Variants in MAPK4 observed in about 807,000 individuals in gnomAD.
MAPK4 encodes the protein Erk3-related.
MAPK4 carries 22 observed loss-of-function variants against 47.7 expected under a neutral mutation model. The ratio of observed to expected loss-of-function variants is 0.46; its 90% confidence interval spans 0.33 to 0.66. The LOEUF is 0.66. Among genes scored for constraint, MAPK4 ranks in the 30% least tolerant of loss-of-function variants. MAPK4 has a pLI of 0.02. For synonymous variants in MAPK4, 390 were observed against 365.7 expected (o/e 1.07, Z -0.76); for missense variants, 736 against 831.7 (o/e 0.88, Z 1.42).
chr18:50,578,039 AC>A (rs1598790677), intron 1 of MAPK4, among the ~76,000 whole-genome samples: 1 of 152,230 alleles, frequency 6.6e-6, no homozygotes, highest in East Asian at 1.9e-4. Flanking sequence ...CTGAGAGCCT[AC>A]CGACTGCCCA....
chr18:50,674,275 G>A (rs766026033), intron 2 of MAPK4, among the ~76,000 whole-genome samples: 5 of 152,182 alleles, frequency 3.3e-5, no homozygotes, highest in Non-Finnish European at 5.9e-5. Flanking sequence ...TATCGAAGAA[G>A]GATAATTAGA....
chr18:50,651,635 G>A (rs2043050316), intron 1 of MAPK4, among the ~76,000 whole-genome samples: 1 of 152,206 alleles, frequency 6.6e-6, no homozygotes, highest in Non-Finnish European at 1.5e-5. Context: ...CCACAGAGGA[G>A]GGCAGCGGAC....
chr18:50,689,993 G>T (rs1273200308), intron 2 of MAPK4, among the ~76,000 whole-genome samples: 3 of 152,212 alleles, frequency 2.0e-5, no homozygotes, highest in African/African-American at 7.2e-5. Context: ...TATTAGAAAG[G>T]GGTCCTAGAG....
chr18:50,581,277 G>A lies in MAPK4; in HGVS notation c.-871+21034G>A, dbSNP rs1242540223. 2.6e-5 allele frequency among the ~76,000 whole-genome samples: 4 copies of A among 152,310 alleles called. No homozygotes were observed. In the South Asian group the frequency reaches 8.3e-4, roughly 32 times the overall value. ...GGTTCTAGTTCAGGGACTCTCATGAGGCTGCAGTCATGGTGTTGGTGAGGG... is the reference window on the plus strand; with the variant it reads ...GGTTCTAGTTCAGGGACTCTCATGAAGCTGCAGTCATGGTGTTGGTGAGGG... On this transcript the variant is annotated intron_variant, in intron 1 of 5. Coordinates refer to ENST00000400384, the MANE Select transcript of MAPK4 (RefSeq NM_002747.4).
At position 50,587,978 on chromosome 18, in the gene MAPK4, A is replaced by C. The variant is rs545653088; in HGVS notation, c.-871+27735A>C. ...ACTCTTGACCTCACGTGATCCAACC[A>C]CCTCAGCCTCCCAAAGTGCTGGGAT... On this transcript the variant is annotated intron_variant, in intron 1 of 5. Coordinates refer to ENST00000400384, the MANE Select transcript of MAPK4 (RefSeq NM_002747.4). Among the ~76,000 whole-genome samples the C allele has an allele frequency of 2.0e-5, 3 of 151,704 alleles. No individual in the cohort carries two copies. In the East Asian group the frequency reaches 5.8e-4, roughly 29 times the overall value.
intron 1 of MAPK4, among the ~76,000 whole-genome samples, chr18:50,570,548 A>G (rs1318849925): frequency 6.6e-6 from 1 of 152,220 alleles, no homozygotes; most frequent in East Asian, 1.9e-4. Context: ...CTGGACCCCA[A>G]AATGTTCATG....
intron 1 of MAPK4, among the ~76,000 whole-genome samples, chr18:50,655,710 C>T (rs117383680): frequency 7.2e-5 from 11 of 152,256 alleles, no homozygotes; most frequent in South Asian, 4.2e-4. Context: ...GTTCTTAACT[C>T]GGTGAGGAAA....
chr18:50,726,733 AC>A (rs1399149573), intron 5 of MAPK4, among the ~76,000 whole-genome samples: 1 of 152,022 alleles, frequency 6.6e-6, no homozygotes, highest in East Asian at 1.9e-4. Context: ...CCCCATCTCT[AC>A]AAATTTTTTT....
chr18:50,603,674 G>A lies in MAPK4; in HGVS notation c.-871+43431G>A, dbSNP rs142739517. Reference sequence around the variant, plus strand: ...GTACAAACTAGTTTGTATATACAAAGTCTAGAACACTGCCTGGCATCTTGT... The same window carrying A: ...GTACAAACTAGTTTGTATATACAAAATCTAGAACACTGCCTGGCATCTTGT... On this transcript the variant is annotated intron_variant, in intron 1 of 5. Coordinates refer to ENST00000400384, the MANE Select transcript of MAPK4 (RefSeq NM_002747.4). Among the ~76,000 whole-genome samples the A allele has an allele frequency of 3.8e-3, 575 of 152,022 alleles. 6 individuals carry two copies. Among genetic ancestry groups the A allele is most frequent in the African/African-American group, 0.013 (552 of 41,542 alleles).
At chr18:50,632,616 ATTTTTTTTTTTT>A (rs10531891) in intron 1 of MAPK4, among the ~76,000 whole-genome samples, 1 of 122,330 alleles carries the variant, frequency 8.2e-6, no homozygotes, top group Non-Finnish European at 1.7e-5. Context: ...GTCTGGTTTA[ATTTTTTTTTTTT>A]TTTTTTTTTG....
chr18:50,595,416 G>C (rs187403166), intron 1 of MAPK4, among the ~76,000 whole-genome samples: 15 of 152,238 alleles, frequency 9.9e-5, no homozygotes, highest in African/African-American at 3.4e-4. Context: ...AAACATAATA[G>C]TGAATGAAAA....
rs1911371456 is a variant in MAPK4 at position 50,729,147 on chromosome 18, T to C, written c.1068-11T>C. On this transcript the variant is annotated splice_polypyrimidine_tract_variant and intron_variant, in intron 5 of 5. Transcript: ENST00000400384. ...GGGCATCCAATCACCGCTCTGTTTGTACCCTTGCAGGTACCCTGTGAGCCT... is the reference window on the plus strand; with the variant it reads ...GGGCATCCAATCACCGCTCTGTTTGCACCCTTGCAGGTACCCTGTGAGCCT... 2 of 1,557,756 alleles carry C rather than the reference T, an allele frequency of 1.3e-6. No individual in the cohort carries two copies. The highest frequency in any genetic ancestry group is 1.7e-6 in the Non-Finnish European group (2 of 1,144,004).
intron 2 of MAPK4, among the ~76,000 whole-genome samples, chr18:50,708,034 T>C (rs1417898507): frequency 6.6e-6 from 1 of 152,220 alleles, no homozygotes; most frequent in Non-Finnish European, 1.5e-5. Flanking sequence ...TAATAGAACG[T>C]GCCAGATGAT....
intron 1 of MAPK4, among the ~76,000 whole-genome samples, chr18:50,617,745 G>A (rs938036325): frequency 1.3e-5 from 2 of 152,154 alleles, no homozygotes; most frequent in East Asian, 3.8e-4. Flanking sequence ...ATCTTCTCTA[G>A]AACATTCCTG....
intron 1 of MAPK4, among the ~76,000 whole-genome samples, chr18:50,575,116 T>G (rs527844732): frequency 2.6e-4 from 40 of 152,274 alleles, no homozygotes; most frequent in African/African-American, 8.4e-4. Context: ...TCCTCATGAA[T>G]AGATTAATGC....
At position 50,663,699 on chromosome 18, in the gene MAPK4, AAC is replaced by A; in HGVS notation, c.-256_-255del. 2 of 383,554 alleles carry A rather than the reference AAC, an allele frequency of 5.2e-6. No homozygotes were observed. Among genetic ancestry groups the A allele is most frequent in the Non-Finnish European group, 9.4e-6 (2 of 213,538 alleles). The allele number at this position is 383,554 out of a possible 1,614,324, so 23.8% of individuals were successfully genotyped here. A position where few individuals can be genotyped will look rare whatever the true frequency, so the allele number is the denominator to read the frequency against. On this transcript the variant is annotated 5_prime_UTR_variant, in exon 2 of 6. Coordinates refer to ENST00000400384, the MANE Select transcript of MAPK4 (RefSeq NM_002747.4). The stretch of plus-strand genomic sequence containing the variant: ...TCTAAGCTTTAAGAAGGGTTCAGGA[AAC>A]ACAGGAATTAGTAGACAGCCCTCCC...
chr18:50,718,407 G>A lies in MAPK4; in HGVS notation c.691+3184G>A, dbSNP rs144103488. ...CTAATTTTGTATTTATAGTAGAGAC[G>A]GAGTTTTGCCATGTTGGCCAGGCTG... On this transcript the variant is annotated intron_variant, in intron 3 of 5. Transcript: ENST00000400384. 2.4e-3 allele frequency among the ~76,000 whole-genome samples: 371 copies of A among 152,230 alleles called. 3 individuals carry two copies. Among genetic ancestry groups the A allele is most frequent in the African/African-American group, 7.6e-3 (316 of 41,542 alleles).
At chr18:50,679,738 C>T (rs1440841334) in intron 2 of MAPK4, among the ~76,000 whole-genome samples, 1 of 152,184 alleles carries the variant, frequency 6.6e-6, no homozygotes, top group African/African-American at 2.4e-5. Context: ...CATGGAGGCG[C>T]TCGGGCTTCC....
At chr18:50,617,056 A>T (rs563377507) in intron 1 of MAPK4, among the ~76,000 whole-genome samples, 2 of 152,166 alleles carry the variant, frequency 1.3e-5, no homozygotes, top group Non-Finnish European at 2.9e-5. Context: ...CTTTATCTCT[A>T]AGGCTCCAGC....
Sources: gnomAD v4.1 joint callset for allele counts (sites outside exome capture counted in the v4.1 genomes callset) on GRCh38, gnomAD v4.1.1 for gene constraint, MANE v1.5 for transcripts, NCBI Gene and HGNC (gene_info 2026-07-23, HGNC 2026-07-21) for gene names.